Variants in MEGF8 observed in about 807,000 individuals in gnomAD.
MEGF8 encodes multiple epidermal growth factor-like domains protein 8.
Under a neutral mutation model 302.9 loss-of-function variants are expected in MEGF8, and 156 were observed. That is an observed-to-expected ratio of 0.52 (90% CI 0.45 to 0.59). MEGF8 has a LOEUF of 0.59. Among genes scored for constraint, MEGF8 ranks in the 20% least tolerant of loss-of-function variants. MEGF8 has a pLI of 0.00. For missense variants in MEGF8, 3,345 were observed against 3,964.5 expected (o/e 0.84, Z 4.20); for synonymous variants, 1,621 against 1,660.5 (o/e 0.98, Z 0.58).
In MEGF8 at chr19:42,376,527, C is replaced by T. The variant is rs1290482229; in HGVS notation, c.8290C>T (p.Arg2764Ter). ...CATCCCCGCCACCACTGCTGGGCTGCGAGCTGGGCCCATCACTCTCGAGCC... is the reference window on the plus strand; with the variant it reads ...CATCCCCGCCACCACTGCTGGGCTGTGAGCTGGGCCCATCACTCTCGAGCC... ...PAIPATTAGL[R>*]AGPITLEPTE... Residue 2764 changes from arginine to a stop codon, truncating the protein, a stop_gained, in exon 42 of 42, where the codon CGA becomes TGA. Coordinates refer to ENST00000251268, the MANE Select transcript of MEGF8 (RefSeq NM_001271938.2). LOFTEE classifies it high-confidence loss of function. The surrounding 1 kb of genome is among the most constrained non-coding windows in gnomAD (Gnocchi z 8.2). The T allele has an allele frequency of 3.8e-6, 6 of 1,570,328 alleles. No individual in the cohort carries two copies. Among genetic ancestry groups the T allele is most frequent in the Non-Finnish European group, 5.2e-6 (6 of 1,160,754 alleles).
chr19:42,375,672 G>A lies in MEGF8; in HGVS notation c.7435G>A (p.Gly2479Ser), dbSNP rs1387663472. The change falls in exon 42 of 42, where the codon GGC becomes AGC. Residue 2479 changes from glycine (G) to serine (S), a missense_variant. Physicochemically the swap from Gly to Ser is moderately conservative, Grantham distance 56 (BLOSUM62 0). Transcript: ENST00000251268. This position sits in a 1 kb window ranked among gnomAD's most constrained non-coding sequence, Gnocchi z 7.1. ...AGGCCCCGGCCGCACTGTCCTCTTTGGCGTGCAGCCCAAATTCACCAACGT... is the reference window on the plus strand; with the variant it reads ...AGGCCCCGGCCGCACTGTCCTCTTTAGCGTGCAGCCCAAATTCACCAACGT... ...ALGPGRTVLF[G>S]VQPKFTNVDI... 4 of 1,610,718 alleles carry A rather than the reference G, an allele frequency of 2.5e-6. No homozygotes were observed. In the South Asian group the frequency reaches 4.4e-5, roughly 18 times the overall value.
rs989955864 is a variant in MEGF8 at position 42,333,731 on chromosome 19, G to A, written c.314G>A (p.Ser105Asn). The A allele has an allele frequency of 1.2e-6, 2 of 1,613,998 alleles. No individual in the cohort carries two copies. Among genetic ancestry groups the A allele is most frequent in the Non-Finnish European group, 1.7e-6 (2 of 1,179,896 alleles). Reference protein sequence around the residue: ...RGPLLASLSGSTRPPPIEASS... With the variant: ...RGPLLASLSGNTRPPPIEASS... ...CCGCTGCTTGCCAGTCTAAGTGGGAGCACCCGACCTCCGCCCATCGAAGCT... is the reference window on the plus strand; with the variant it reads ...CCGCTGCTTGCCAGTCTAAGTGGGAACACCCGACCTCCGCCCATCGAAGCT... Residue 105 changes from serine (S) to asparagine (N), a missense_variant, in exon 2 of 42, where the codon AGC (serine) becomes AAC (asparagine). Coordinates refer to ENST00000251268, the MANE Select transcript of MEGF8 (RefSeq NM_001271938.2).
chr19:42,338,825 A>ATTTTTTTT (rs55994617), intron 8 of MEGF8, among the ~76,000 whole-genome samples: 15 of 47,160 alleles, frequency 3.2e-4, no homozygotes, highest in East Asian at 6.4e-4. Context: ...CTTTCTATGT[A>ATTTTTTTT]TTTTTTTTTT....
chr19:42,352,176 G>C lies in MEGF8; in HGVS notation c.3102-32G>C. 1 of 1,481,724 alleles carries C rather than the reference G, an allele frequency of 6.7e-7. No individual in the cohort carries two copies. The highest frequency in any genetic ancestry group is 1.4e-5 in the South Asian group (1 of 72,574). The allele number at this position is 1,481,724 out of a possible 1,614,324, so 91.8% of individuals were successfully genotyped here. On this transcript the variant is annotated intron_variant, in intron 18 of 41. Coordinates refer to ENST00000251268, the MANE Select transcript of MEGF8 (RefSeq NM_001271938.2). This position sits in a 1 kb window ranked among gnomAD's most constrained non-coding sequence, Gnocchi z 4.4. ...TATGTATGGCTCCTGTTTCTATGTT[G>C]TCCCCCGCTTCTTCACTCTCCCACC...
At chr19:42,364,553 G>A (rs942558730) in intron 35 of MEGF8, among the ~76,000 whole-genome samples, 3 of 152,204 alleles carry the variant, frequency 2.0e-5, no homozygotes, top group Admixed American at 2.0e-4. Flanking sequence ...ACAGCACTTC[G>A]TGGAAATTCG....
chr19:42,333,853 A>G, intron 2 of MEGF8, 85 bp downstream of exon 2: 25 of 1,562,528 alleles, frequency 1.6e-5, no homozygotes, highest in Non-Finnish European at 2.2e-5. Flanking sequence ...AGGGCATCCA[A>G]GAGCAGAGCA....
In MEGF8 at chr19:42,341,439, A is replaced by AC. The variant is rs1174012221; in HGVS notation, c.1514-2038_1514-2037insC. Among the ~76,000 whole-genome samples the AC allele has an allele frequency of 4.6e-5, 7 of 151,676 alleles. No homozygotes were observed. The East Asian group carries it at 1.4e-3, about 29-fold the overall frequency. On this transcript the variant is annotated intron_variant, in intron 8 of 41. Transcript: ENST00000251268. ...GGGATACTCCATCTCCAAAAAAAAA[A>AC]AAAAAAAAAAACACACATAAAAACA... is the stretch of plus-strand genomic sequence containing the variant.
chr19:42,343,910 C>T (rs377363917), intron 9 of MEGF8, 44 bp from the exon 10 acceptor site: 141 of 1,598,442 alleles, frequency 8.8e-5, no homozygotes, highest in Non-Finnish European at 1.1e-4. Context: ...AGGCCTCCTC[C>T]TCCGTCCCCT....
At chr19:42,362,032 G>A (rs1399638364) in intron 32 of MEGF8, 58 bp from the exon 33 acceptor site, 13 of 1,595,568 alleles carry the variant, frequency 8.1e-6, no homozygotes, top group Middle Eastern at 1.8e-4. Context: ...ACAGTGTCTG[G>A]GAGGCAGAAG....
chr19:42,326,997 G>A (rs1237619149), intron 1 of MEGF8, among the ~76,000 whole-genome samples: 2 of 152,060 alleles, frequency 1.3e-5, no homozygotes, highest in Non-Finnish European at 2.9e-5. Context: ...GAGCCACTGT[G>A]CCTGGCTTCT....
At chr19:42,337,592 A>G (rs1195344548) in intron 8 of MEGF8, among the ~76,000 whole-genome samples, 1 of 132,136 alleles carries the variant, frequency 7.6e-6, no homozygotes, top group Admixed American at 9.0e-5. Flanking sequence ...TGCAGGCTCC[A>G]CCCCCCGGGT....
In MEGF8 at chr19:42,376,272, C is replaced by T. The variant is rs752987335; in HGVS notation, c.8035C>T (p.Arg2679Trp). 15 of 1,610,354 alleles carry T rather than the reference C, an allele frequency of 9.3e-6. No homozygotes were observed. The highest frequency in any genetic ancestry group is 6.7e-5 in the East Asian group (3 of 44,712). Residue 2679 changes from arginine to tryptophan, a missense_variant, in exon 42 of 42, where the codon CGG (arginine) becomes TGG (tryptophan). Transcript: ENST00000251268. This position sits in a 1 kb window ranked among gnomAD's most constrained non-coding sequence, Gnocchi z 8.2. ...LWKAKQALDQ[R>W]QEQRRHLQEM... ...GAAGGCCAAGCAGGCTCTGGACCAG[C>T]GGCAGGAGCAGCGCCGGCACTTGCA... is the stretch of plus-strand genomic sequence containing the variant.
rs369700472 is a variant in MEGF8 at position 42,351,760 on chromosome 19, C to T, written c.3100C>T (p.Arg1034Trp). Reference sequence around the variant, plus strand: ...CAATGAGGACAACCCCACACTGGGACGGTGAGCCCGGGCAGGTGGGTGGGC... The same window carrying T: ...CAATGAGGACAACCCCACACTGGGATGGTGAGCCCGGGCAGGTGGGTGGGC... ...CGNEDNPTLG[R>W]CLQGDFSGPL... is the part of the protein sequence containing the mutation. The change falls in exon 18 of 42, where the codon CGG becomes TGG. Residue 1034 changes from arginine (R) to tryptophan (W), a missense_variant and splice_region_variant. Coordinates refer to ENST00000251268, the MANE Select transcript of MEGF8 (RefSeq NM_001271938.2). This position sits in a 1 kb window ranked among gnomAD's most constrained non-coding sequence, Gnocchi z 5.6. 1.3e-5 allele frequency: 21 copies of T among 1,569,006 alleles called. No individual in the cohort carries two copies. Among genetic ancestry groups the T allele is most frequent in the Admixed American group, 9.4e-5 (5 of 52,990 alleles).
intron 12 of MEGF8, among the ~76,000 whole-genome samples, chr19:42,346,977 T>A (rs1281675633): frequency 8.3e-6 from 1 of 120,884 alleles, no homozygotes; most frequent in African/African-American, 3.3e-5. Context: ...AGAGAGAGAC[T>A]CTGTCTCAAA....
chr19:42,337,356 T>A (rs2039142385), intron 8 of MEGF8, 150 bp downstream of exon 8: 2 of 1,052,436 alleles, frequency 1.9e-6, no homozygotes, highest in African/African-American at 3.1e-5. Context: ...GGGATGGAGA[T>A]GGGACTAGGG....
chr19:42,333,948 C>T (rs897666060), intron 2 of MEGF8, 59 bp from the exon 3 acceptor site: 1 of 1,556,922 alleles, frequency 6.4e-7, no homozygotes, highest in Non-Finnish European at 8.7e-7. Flanking sequence ...GAGTGGGCCA[C>T]CCTCCCAGGA....
chr19:42,376,905 C>T lies in MEGF8; in HGVS notation c.*130C>T. 2.9e-6 allele frequency: 3 copies of T among 1,046,980 alleles called. No individual in the cohort carries two copies. Among genetic ancestry groups the T allele is most frequent in the South Asian group, 2.4e-5 (1 of 42,084 alleles). The allele number at this position is 1,046,980 out of a possible 1,614,324, so 64.9% of individuals were successfully genotyped here. On this transcript the variant is annotated 3_prime_UTR_variant, in exon 42 of 42. Transcript: ENST00000251268. This position sits in a 1 kb window ranked among gnomAD's most constrained non-coding sequence, Gnocchi z 8.2. ...CACTGGCCCCCTTCCCCCAGGGTTGCCCAGATGGGGCCTCCTTTGTTCTGC... is the reference window on the plus strand; with the variant it reads ...CACTGGCCCCCTTCCCCCAGGGTTGTCCAGATGGGGCCTCCTTTGTTCTGC...
In MEGF8 at chr19:42,358,882, G is replaced by A; in HGVS notation, c.5271G>A (p.Lys1757=). Residue 1757 remains lysine (K), a synonymous_variant, in exon 30 of 42, where the codon AAG becomes AAA. Coordinates refer to ENST00000251268, the MANE Select transcript of MEGF8 (RefSeq NM_001271938.2). This position sits in a 1 kb window ranked among gnomAD's most constrained non-coding sequence, Gnocchi z 4.4. ...CATGGGGGTTCCGGGAAGTCAGGAA[G>A]AAGATGGCTCTGTGGGCTGCTCTTG... ...PGSWGFREVR[K]KMALWAALAG... 6.2e-7 allele frequency: 1 copy of A among 1,611,746 alleles called. No homozygotes were observed. The highest frequency in any genetic ancestry group is 8.5e-7 in the Non-Finnish European group (1 of 1,179,026).
chr19:42,329,679 T>C (rs2147439820), intron 1 of MEGF8, among the ~76,000 whole-genome samples: 2 of 152,090 alleles, frequency 1.3e-5, no homozygotes, highest in South Asian at 4.2e-4. Context: ...CTGAACAACA[T>C]GGTAAGACAC....
Sources: allele counts gnomAD v4.1 joint callset (sites outside exome capture counted in the v4.1 genomes callset), GRCh38; gene constraint gnomAD v4.1.1; non-coding constraint Gnocchi (gnomAD v3.1); transcripts MANE v1.5; gene names NCBI Gene and HGNC (gene_info 2026-07-23, HGNC 2026-07-21).